The following ARNT2 variants were observed in gnomAD, a reference collection of about 807,000 sequenced individuals.
ARNT2 encodes ARNT protein 2.
Under a neutral mutation model 91.7 loss-of-function variants are expected in ARNT2, and 36 were observed. The observed-to-expected ratio is 0.39, with a 90% CI of 0.30 to 0.52. ARNT2 has a LOEUF of 0.52. ARNT2 is among the 20% of genes least tolerant of loss of function. The probability of loss-of-function intolerance (pLI) is 0.72; values close to 1 mark genes in which losing one functional copy is unlikely to be tolerated. For synonymous variants in ARNT2, 365 were observed against 347.1 expected (o/e 1.05, Z -0.57); for missense variants, 775 against 939.3 (o/e 0.83, Z 2.29).
rs1174821275 is a variant in ARNT2, at chr15:80,439,606, A to C, written c.32-11274A>C. Among the ~76,000 whole-genome samples the C allele has an allele frequency of 2.0e-5, 3 of 152,230 alleles. No individual in the cohort carries two copies. The East Asian group carries it at 5.8e-4, about 29-fold the overall frequency. On this transcript the variant is annotated intron_variant, in intron 1 of 18. Transcript: ENST00000303329. ...AGTAATTTTTATCTGGGAGTATTCC[A>C]TAAGTTATGAGCTTTTCTCTTTATG...
intron 3 of ARNT2, among the ~76,000 whole-genome samples, chr15:80,469,484 T>C (rs1272563713): frequency 2.6e-5 from 4 of 151,240 alleles, no homozygotes; most frequent in Non-Finnish European, 5.9e-5. Context: ...TACTGCAAGA[T>C]ATAATATGTA....
intron 5 of ARNT2, among the ~76,000 whole-genome samples, chr15:80,483,912 C>A (rs1435363363): frequency 1.3e-5 from 2 of 152,172 alleles, no homozygotes; most frequent in African/African-American, 4.8e-5. Context: ...GTGGTTGAGT[C>A]CTTCAGTGGA....
rs1004526208 is a variant in ARNT2, at chr15:80,580,357, G to A, written c.1614-54G>A. The A allele has an allele frequency of 2.9e-5, 47 of 1,606,938 alleles. No homozygotes were observed. In the African/African-American group the frequency reaches 5.6e-4, roughly 19 times the overall value. ...GATTGTGTGGTTGGCTGGGCACGTA[G>A]ACTCATGCAAACCAGGTGTGTCCTC... On this transcript the variant is annotated intron_variant, in intron 15 of 18. Coordinates refer to ENST00000303329, the MANE Select transcript of ARNT2 (RefSeq NM_014862.4).
chr15:80,580,971 C>G, intron 16 of ARNT2: 1 of 535,502 alleles, frequency 1.9e-6, no homozygotes, highest in Non-Finnish European at 3.3e-6. Context: ...TTCATAATGC[C>G]AAGGCCTTGG....
chr15:80,455,285 A>G (rs1238085760), intron 2 of ARNT2, among the ~76,000 whole-genome samples: 4 of 152,156 alleles, frequency 2.6e-5, no homozygotes, highest in Admixed American at 1.3e-4. Flanking sequence ...GTATTTAAAC[A>G]TTTGTGTCCT....
chr15:80,451,333 C>T (rs2278709), intron 2 of ARNT2, among the ~76,000 whole-genome samples: 34,814 of 152,218 alleles, frequency 0.23, 4,223 homozygotes, highest in Non-Finnish European at 0.28. Context: ...CGCTGAGCTC[C>T]AGCCCCTGTG....
At chr15:80,433,222 C>T (rs2141570745) in intron 1 of ARNT2, among the ~76,000 whole-genome samples, 1 of 132,240 alleles carries the variant, frequency 7.6e-6, no homozygotes, top group South Asian at 2.5e-4. Context: ...TTAGAAAAGG[C>T]ACTATATTTT....
At chr15:80,467,537 C>T (rs574909818) in intron 3 of ARNT2, among the ~76,000 whole-genome samples, 50 of 152,276 alleles carry the variant, frequency 3.3e-4, no homozygotes, top group Admixed American at 6.5e-4. Context: ...GGGAGGAAAG[C>T]CGGTTCTCCA....
At chr15:80,546,241 T>A (rs1182689210) in intron 8 of ARNT2, among the ~76,000 whole-genome samples, 1 of 152,190 alleles carries the variant, frequency 6.6e-6, no homozygotes, top group African/African-American at 2.4e-5. Flanking sequence ...CACTCCACAA[T>A]CGTTATTGTG....
chr15:80,453,999 A>C (rs928212845), intron 2 of ARNT2, among the ~76,000 whole-genome samples: 6 of 152,192 alleles, frequency 3.9e-5, no homozygotes, highest in Non-Finnish European at 8.8e-5. Context: ...GGGATCCTCC[A>C]GGCCTCCCGC....
chr15:80,529,496 C>T (rs1897700707), intron 8 of ARNT2, among the ~76,000 whole-genome samples: 1 of 151,512 alleles, frequency 6.6e-6, no homozygotes, highest in African/African-American at 2.4e-5. Context: ...TTCTAGATAG[C>T]CTGTTTTTCT....
At chr15:80,439,565 T>C (rs1177429706) in intron 1 of ARNT2, among the ~76,000 whole-genome samples, 1 of 152,246 alleles carries the variant, frequency 6.6e-6, no homozygotes, top group Non-Finnish European at 1.5e-5. Context: ...TTTGAAATCA[T>C]GATATTTAAA....
At chr15:80,452,736 C>G (rs1896417108) in intron 2 of ARNT2, among the ~76,000 whole-genome samples, 1 of 152,078 alleles carries the variant, frequency 6.6e-6, no homozygotes, top group African/African-American at 2.4e-5. Context: ...ACTTACAGGA[C>G]CAGAAACCGT....
At chr15:80,430,143 C>G (rs1418595938) in intron 1 of ARNT2, among the ~76,000 whole-genome samples, 1 of 152,128 alleles carries the variant, frequency 6.6e-6, no homozygotes, top group African/African-American at 2.4e-5. Context: ...TGGTGCCACC[C>G]AGAGCTTCCT....
intron 1 of ARNT2, among the ~76,000 whole-genome samples, chr15:80,407,468 GGA>G (rs966752624): frequency 7.2e-5 from 11 of 152,164 alleles, no homozygotes; most frequent in Admixed American, 6.5e-4. Context: ...AGCTACTCTG[GGA>G]GAGGAGAAGA....
At chr15:80,583,583 G>A (rs576709414) in intron 17 of ARNT2, among the ~76,000 whole-genome samples, 9 of 152,176 alleles carry the variant, frequency 5.9e-5, no homozygotes, top group Non-Finnish European at 1.3e-4. Flanking sequence ...CCCTTAGTAG[G>A]TACTTATTAT....
intron 3 of ARNT2, among the ~76,000 whole-genome samples, chr15:80,460,188 G>T (rs1307280533): frequency 6.6e-6 from 1 of 152,228 alleles, no homozygotes; most frequent in African/African-American, 2.4e-5. Context: ...GCTGTGCCAT[G>T]GTTTCTGTCT....
chr15:80,430,726 A>G (rs1040436601), intron 1 of ARNT2, among the ~76,000 whole-genome samples: 1 of 152,186 alleles, frequency 6.6e-6, no homozygotes, highest in South Asian at 2.1e-4. Flanking sequence ...CCTTAGTGAC[A>G]GAGAAGTAAT....
intron 1 of ARNT2, among the ~76,000 whole-genome samples, chr15:80,414,286 T>C (rs1268171595): frequency 5.3e-5 from 8 of 152,202 alleles, no homozygotes; most frequent in Non-Finnish European, 1.5e-5. Context: ...AGGATGCTGC[T>C]AAACATCCTA....
Sources: allele counts gnomAD v4.1 joint callset (sites outside exome capture counted in the v4.1 genomes callset), GRCh38; gene constraint gnomAD v4.1.1; transcripts MANE v1.5; gene names NCBI Gene and HGNC (gene_info 2026-07-23, HGNC 2026-07-21).